MTFP1: variants seen among roughly 807,000 people sequenced by gnomAD.
MTFP1 encodes the protein mitochondrial fission process protein 1.
MTFP1 carries 19 observed loss-of-function variants against 17.1 expected under a neutral mutation model. That is an observed-to-expected ratio of 1.11 (90% confidence interval 0.77 to 1.63). MTFP1 has a LOEUF of 1.63. Among genes scored for constraint, MTFP1 ranks in the 40% most tolerant of loss-of-function variants. The pLI, the probability that MTFP1 is intolerant of heterozygous loss-of-function variation, is 0.00. For missense variants in MTFP1, 221 were observed against 226.2 expected, an observed-to-expected ratio of 0.98 and a Z score of 0.15; for synonymous variants, 89 against 95.2, an observed-to-expected ratio of 0.93 and a Z score of 0.38.
At position 30,428,641 on chromosome 22, in the gene MTFP1, C is replaced by A; in HGVS notation, c.*107C>A. 1 of 1,614,190 alleles carries A rather than the reference C, an allele frequency of 6.2e-7. No homozygotes were observed. On this transcript the variant is annotated 3_prime_UTR_variant, in exon 4 of 4. Coordinates refer to ENST00000266263, the MANE Select transcript of MTFP1 (RefSeq NM_016498.5). ...GCTCCCTGGTGTCCAAAGACCCTGG[C>A]ACCTGGGTGGGTTTGAGCTGGACAG...
chr22:30,427,453 T>A (rs1463536904), intron 3 of MTFP1, 50 bp downstream of exon 3: 4 of 1,548,608 alleles, frequency 2.6e-6, no homozygotes, highest in Non-Finnish European at 3.6e-6. Context: ...GTGATGAGAG[T>A]GGATCATCCA....
intron 3 of MTFP1, 25 bp from the exon 4 acceptor site, chr22:30,428,437 C>T: frequency 1.2e-6 from 2 of 1,607,512 alleles, no homozygotes; most frequent in Non-Finnish European, 1.7e-6. Context: ...TGGTCACCTG[C>T]TCACCACCCT....
rs1934688813 is a variant in MTFP1, at chr22:30,427,230, TGTATG to T, written c.257_261del (p.Val86AlafsTer55). 6.2e-7 allele frequency: 1 copy of T among 1,614,022 alleles called. No homozygotes were observed. The highest frequency in any genetic ancestry group is 1.7e-5 in the Admixed American group (1 of 60,014). On this transcript the variant is annotated frameshift_variant, in exon 3 of 4. Transcript: ENST00000266263. LOFTEE classifies it high-confidence loss of function. ...TGACTGTGGCTGTGGTGGACACCTT[TGTATG>T]GCAGGCTCTAGCCTCTGTGGCCATT...
chr22:30,428,582 A>C lies in MTFP1; in HGVS notation c.*48A>C, dbSNP rs762565611. On this transcript the variant is annotated 3_prime_UTR_variant, in exon 4 of 4. Transcript: ENST00000266263. The stretch of plus-strand genomic sequence containing the variant: ...TGCATCGGCCTCCTGCTTCATGTCA[A>C]CCTCCTACTCCTGCCAGGGAATGTG... The C allele has an allele frequency of 6.2e-7, 1 of 1,613,606 alleles. No homozygotes were observed. Among genetic ancestry groups the C allele is most frequent in the East Asian group, 2.2e-5 (1 of 44,872 alleles).
rs1190807580 is a variant in MTFP1, at chr22:30,428,824, A to G, written c.*290A>G. The G allele has an allele frequency of 2.6e-5, 18 of 689,022 alleles. No individual in the cohort carries two copies. Among genetic ancestry groups the G allele is most frequent in the African/African-American group, 5.4e-5 (3 of 55,450 alleles). 42.7% of individuals were successfully genotyped at this position (689,022 alleles called of 1,614,324 possible). A position where few individuals can be genotyped will look rare whatever the true frequency, so the allele number is the denominator to read the frequency against. Reference sequence around the variant, plus strand: ...TTTTTCAGGAAAATTACATCCTCCCATGGAGGATGAGAGACTGAGGCTCAG... The same window carrying G: ...TTTTTCAGGAAAATTACATCCTCCCGTGGAGGATGAGAGACTGAGGCTCAG... On this transcript the variant is annotated 3_prime_UTR_variant, in exon 4 of 4. Coordinates refer to ENST00000266263, the MANE Select transcript of MTFP1 (RefSeq NM_016498.5).
chr22:30,427,853 G>C (rs537886216), intron 3 of MTFP1, among the ~76,000 whole-genome samples: 1 of 152,246 alleles, frequency 6.6e-6, no homozygotes, highest in East Asian at 1.9e-4. Flanking sequence ...ATGTCATTAG[G>C]GGTCTGGGTC....
chr22:30,428,544 G>T lies in MTFP1; in HGVS notation c.*10G>T. 2 of 1,614,182 alleles carry T rather than the reference G, an allele frequency of 1.2e-6. No individual in the cohort carries two copies. Among genetic ancestry groups the T allele is most frequent in the Non-Finnish European group, 8.5e-7 (1 of 1,180,040 alleles). On this transcript the variant is annotated 3_prime_UTR_variant, in exon 4 of 4. Coordinates refer to ENST00000266263, the MANE Select transcript of MTFP1 (RefSeq NM_016498.5). ...GCCCAGCTCCTCCTGATCATACTCT[G>T]GTACCTGGCCTGTGCATCGGCCTCC...
At chr22:30,428,101 CT>C (rs1185559022) in intron 3 of MTFP1, among the ~76,000 whole-genome samples, 1 of 152,202 alleles carries the variant, frequency 6.6e-6, no homozygotes, top group African/African-American at 2.4e-5. Flanking sequence ...ATTGGCCAGG[CT>C]TGGGTCACGT....
At position 30,427,249 on chromosome 22, in the gene MTFP1, T is replaced by C; in HGVS notation, c.274T>C (p.Ser92Pro). The C allele has an allele frequency of 6.2e-7, 1 of 1,614,070 alleles. No homozygotes were observed. ...VDTFVWQALA[S>P]VAIPGFTINR... ...CACCTTTGTATGGCAGGCTCTAGCC[T>C]CTGTGGCCATTCCGGGCTTCACCAT... Residue 92 changes from serine to proline, a missense_variant, in exon 3 of 4, where the codon TCT becomes CCT. Transcript: ENST00000266263.
chr22:30,426,657 G>A, intron 1 of MTFP1, 60 bp from the exon 2 acceptor site: 1 of 1,599,730 alleles, frequency 6.3e-7, no homozygotes, highest in Non-Finnish European at 8.5e-7. Flanking sequence ...GAACCAGCCT[G>A]CTCCAACGCC....
intron 1 of MTFP1, among the ~76,000 whole-genome samples, chr22:30,426,317 C>T (rs1601795491): frequency 2.0e-5 from 3 of 152,294 alleles, no homozygotes; most frequent in Admixed American, 2.0e-4. Context: ...CACACGAGGG[C>T]CTCTCTCATT....
chr22:30,427,049 C>T lies in MTFP1; in HGVS notation c.196-122C>T, dbSNP rs561718093. 116 of 1,358,092 alleles carry T rather than the reference C, an allele frequency of 8.5e-5. 1 individual carries two copies. The South Asian group carries it at 1.1e-3, about 12-fold the overall frequency. 84.1% of individuals were successfully genotyped at this position (1,358,092 alleles called of 1,614,324 possible). A position where few individuals can be genotyped will look rare whatever the true frequency, so the allele number is the denominator to read the frequency against. The stretch of plus-strand genomic sequence containing the variant: ...CCCGAACTGGATGTGGCAGACTGTA[C>T]CCCACTCCTGGGTGCGGACAAGTCC... On this transcript the variant is annotated intron_variant, in intron 2 of 3. Transcript: ENST00000266263.
At chr22:30,428,226 T>C (rs191904887) in intron 3 of MTFP1, among the ~76,000 whole-genome samples, 13 of 152,326 alleles carry the variant, frequency 8.5e-5, no homozygotes, top group Admixed American at 2.0e-4. Context: ...GCAAGTCTTT[T>C]ACCCAGTACC....
In MTFP1 at chr22:30,425,906, A is replaced by C; in HGVS notation, c.27A>C (p.Ala9=). Reference sequence around the variant, plus strand: ...TGTCAGAGCCGCAGCCGCGGGGCGCAGAGCGCGATCTCTACCGGGACACGT... The same window carrying C: ...TGTCAGAGCCGCAGCCGCGGGGCGCCGAGCGCGATCTCTACCGGGACACGT... MSEPQPRG[A]ERDLYRDTWV... is the part of the protein sequence containing the mutation. The change falls in exon 1 of 4, where the codon GCA becomes GCC. Residue 9 remains alanine (A), a synonymous_variant. Coordinates refer to ENST00000266263, the MANE Select transcript of MTFP1 (RefSeq NM_016498.5). The C allele has an allele frequency of 6.5e-7, 1 of 1,534,362 alleles. No individual in the cohort carries two copies. Among genetic ancestry groups the C allele is most frequent in the Non-Finnish European group, 8.8e-7 (1 of 1,141,202 alleles).
chr22:30,426,859 AT>A lies in MTFP1; in HGVS notation c.195+19del. 1 of 1,606,382 alleles carries A rather than the reference AT, an allele frequency of 6.2e-7. No individual in the cohort carries two copies. ...AGGCTGGAGAGGTGAGTGTTAGCCT[AT>A]TTTCCAACCCCCAACCCTAGCTCTC... is the stretch of plus-strand genomic sequence containing the variant. On this transcript the variant is annotated intron_variant, in intron 2 of 3. Transcript: ENST00000266263.
rs1477210551 is a variant in MTFP1, at chr22:30,428,649, T to C, written c.*115T>C. The C allele has an allele frequency of 3.7e-6, 6 of 1,613,822 alleles. No individual in the cohort carries two copies. Among genetic ancestry groups the C allele is most frequent in the Admixed American group, 3.3e-5 (2 of 59,986 alleles). ...GTGTCCAAAGACCCTGGCACCTGGG[T>C]GGGTTTGAGCTGGACAGAAGCTTAG... On this transcript the variant is annotated 3_prime_UTR_variant, in exon 4 of 4. Coordinates refer to ENST00000266263, the MANE Select transcript of MTFP1 (RefSeq NM_016498.5).
chr22:30,425,869 G>A lies in MTFP1; in HGVS notation c.-11G>A, dbSNP rs1040075545. ...ACCGGCTGTAGTGGCCGGGGCCGTG[G>A]CGGGAGAGTCATGTCAGAGCCGCAG... On this transcript the variant is annotated 5_prime_UTR_variant, in exon 1 of 4. Coordinates refer to ENST00000266263, the MANE Select transcript of MTFP1 (RefSeq NM_016498.5). The A allele has an allele frequency of 6.5e-7, 1 of 1,533,444 alleles. No homozygotes were observed. The highest frequency in any genetic ancestry group is 8.8e-7 in the Non-Finnish European group (1 of 1,140,978). The allele number at this position is 1,533,444 out of a possible 1,614,324, so 95.0% of individuals were successfully genotyped here. A position where few individuals can be genotyped will look rare whatever the true frequency, so the allele number is the denominator to read the frequency against.
At chr22:30,426,938 A>ACTC in intron 2 of MTFP1, 94 bp downstream of exon 2, 1 of 1,571,996 alleles carries the variant, frequency 6.4e-7, no homozygotes. Context: ...CCTGTGGGAC[A>ACTC]CTCCAGTCCC....
chr22:30,427,052 C>T (rs2058471756), intron 2 of MTFP1, 119 bp from the exon 3 acceptor site: 8 of 1,360,980 alleles, frequency 5.9e-6, no homozygotes, highest in Non-Finnish European at 8.4e-6. Context: ...GACTGTACCC[C>T]ACTCCTGGGT....
Sources: allele counts gnomAD v4.1 joint callset (sites outside exome capture counted in the v4.1 genomes callset), GRCh38; gene constraint gnomAD v4.1.1; transcripts MANE v1.5; gene names NCBI Gene and HGNC (gene_info 2026-07-23, HGNC 2026-07-21).